PTPN9: variants seen among roughly 807,000 people sequenced by gnomAD.
PTPN9 encodes the protein protein tyrosine phosphatase non-receptor type 9, also known as tyrosine-protein phosphatase non-receptor type 9.
Under a neutral mutation model 69.8 loss-of-function variants are expected in PTPN9, and 26 were observed. The observed-to-expected ratio is 0.37, with a 90% confidence interval of 0.27 to 0.52. The LOEUF (loss-of-function observed/expected upper bound fraction) is 0.52. Among genes scored for constraint, PTPN9 ranks in the 20% least tolerant of loss-of-function variants. The probability of loss-of-function intolerance (pLI) is 0.91; values close to 1 mark genes in which losing one functional copy is unlikely to be tolerated. For missense variants in PTPN9, 549 were observed against 740.3 expected, an observed-to-expected ratio of 0.74 and a Z score of 3.00; for synonymous variants, 274 against 272.5, an observed-to-expected ratio of 1.01 and a Z score of -0.05.
intron 12 of PTPN9, 26 bp downstream of exon 12, chr15:75,469,766 A>C: frequency 6.2e-7 from 1 of 1,608,620 alleles, no homozygotes; most frequent in Non-Finnish European, 8.5e-7. Flanking sequence ...CCCTGCAGAC[A>C]CCAAGAGCTG....
At chr15:75,543,017 A>C (rs1361291879) in intron 1 of PTPN9, among the ~76,000 whole-genome samples, 3 of 105,278 alleles carry the variant, frequency 2.8e-5, no homozygotes, top group Non-Finnish European at 5.4e-5. Flanking sequence ...ACCCCACGAC[A>C]GTCCCCGGTG....
At chr15:75,504,928 C>G (rs899112085) in intron 7 of PTPN9, among the ~76,000 whole-genome samples, 3 of 152,126 alleles carry the variant, frequency 2.0e-5, no homozygotes, top group Non-Finnish European at 4.4e-5. Flanking sequence ...TGAGGAGCCC[C>G]TCTGCCCAGC....
chr15:75,480,572 G>A, intron 8 of PTPN9: 1 of 840,154 alleles, frequency 1.2e-6, no homozygotes, highest in Non-Finnish European at 1.5e-6. Flanking sequence ...GTGGCCGCGG[G>A]TGGTGGTTGG....
At chr15:75,500,987 TGTATGAGA>T (rs531843800) in intron 7 of PTPN9, among the ~76,000 whole-genome samples, 4 of 152,064 alleles carry the variant, frequency 2.6e-5, no homozygotes, top group Non-Finnish European at 4.4e-5. Flanking sequence ...GAAACAGAGC[TGTATGAGA>T]GAAAAGAATA....
At chr15:75,520,474 A>ATAGG (rs1446972988) in intron 4 of PTPN9, among the ~76,000 whole-genome samples, 1 of 141,540 alleles carries the variant, frequency 7.1e-6, no homozygotes, top group Non-Finnish European at 1.5e-5. Flanking sequence ...AGATAGATAG[A>ATAGG]TAGATAGATG....
intron 1 of PTPN9, among the ~76,000 whole-genome samples, chr15:75,558,092 G>A (rs577331871): frequency 2.0e-5 from 3 of 152,156 alleles, no homozygotes; most frequent in Non-Finnish European, 4.4e-5. Context: ...CACTTTGGCA[G>A]GCCAAGGCAG....
chr15:75,477,398 CA>C (rs1250616409), intron 9 of PTPN9, among the ~76,000 whole-genome samples: 1 of 152,046 alleles, frequency 6.6e-6, no homozygotes, highest in Admixed American at 6.6e-5. Flanking sequence ...AGTTCGAGAC[CA>C]GCCTAGGCAA....
At position 75,490,299 on chromosome 15, in the gene PTPN9, G is replaced by A; in HGVS notation, c.971C>T (p.Ser324Phe). The change falls in exon 8 of 13, where the codon TCT (serine) becomes TTT (phenylalanine). Residue 324 changes from serine to phenylalanine, a missense_variant and splice_region_variant. By Grantham distance (155) the Ser-to-Phe change is radical. Transcript: ENST00000618819. ...NPVGTFHCSM[S>F]PGNLEKNRYG... ...ACGGTTTTTCTCTAGGTTTCCTGGA[G>A]ACCTGAAGGAAACGAAACAAACAAG... 1 of 1,604,364 alleles carries A rather than the reference G, an allele frequency of 6.2e-7. No individual in the cohort carries two copies. Among genetic ancestry groups the A allele is most frequent in the Non-Finnish European group, 8.5e-7 (1 of 1,171,212 alleles).
intron 1 of PTPN9, among the ~76,000 whole-genome samples, chr15:75,554,886 A>G (rs531726554): frequency 1.3e-5 from 2 of 152,312 alleles, no homozygotes; most frequent in South Asian, 4.1e-4. Context: ...CACTGGAGTA[A>G]CATGAGCTTC....
At chr15:75,501,590 A>G (rs1475883584) in intron 7 of PTPN9, among the ~76,000 whole-genome samples, 1 of 151,802 alleles carries the variant, frequency 6.6e-6, no homozygotes. Flanking sequence ...TAGCTGGGAC[A>G]ACAGGAGTGT....
intron 1 of PTPN9, among the ~76,000 whole-genome samples, chr15:75,541,820 C>G (rs2075009947): frequency 6.6e-6 from 1 of 151,712 alleles, no homozygotes; most frequent in Non-Finnish European, 1.5e-5. Flanking sequence ...AGTTCTCCTG[C>G]CTCAGCCTCC....
intron 8 of PTPN9, among the ~76,000 whole-genome samples, chr15:75,484,313 C>G (rs567505381): frequency 6.6e-6 from 1 of 152,292 alleles, no homozygotes; most frequent in African/African-American, 2.4e-5. Context: ...GTAGGAACAC[C>G]TGGTCCATCC....
intron 1 of PTPN9, among the ~76,000 whole-genome samples, chr15:75,574,772 C>T (rs1354005861): frequency 1.3e-5 from 2 of 151,590 alleles, no homozygotes; most frequent in Non-Finnish European, 2.9e-5. Context: ...GAAACCCCAT[C>T]TCTACTAAAA....
chr15:75,483,181 C>A (rs550322522), intron 8 of PTPN9, among the ~76,000 whole-genome samples: 1 of 152,222 alleles, frequency 6.6e-6, no homozygotes, highest in South Asian at 2.1e-4. Flanking sequence ...CTGGTTGTTC[C>A]TGAAAAGATT....
rs759810846 is a variant in PTPN9, at chr15:75,575,918, CAAAAAAA to C, written c.63+2789_63+2795del. On this transcript the variant is annotated intron_variant, in intron 1 of 12. Transcript: ENST00000618819. ...TGGGCAACAGAGCAAGACTCCATCT[CAAAAAAA>C]AAAAAAAAAAAAAAAAGAGTACTCT... 1.1e-3 allele frequency among the ~76,000 whole-genome samples: 42 copies of C among 39,288 alleles called. 1 individual carries two copies. In the South Asian group the frequency reaches 0.013, roughly 12 times the overall value. The allele number at this position is 39,288 out of a possible 152,430, so 25.8% of individuals were successfully genotyped here. A position where few individuals can be genotyped will look rare whatever the true frequency, so the allele number is the denominator to read the frequency against.
At chr15:75,478,027 G>A (rs953989011) in intron 9 of PTPN9, among the ~76,000 whole-genome samples, 2 of 151,870 alleles carry the variant, frequency 1.3e-5, no homozygotes, top group African/African-American at 4.8e-5. Context: ...TTTTAGTAGA[G>A]ACGGTGTTTC....
At chr15:75,550,367 T>G (rs974395300) in intron 1 of PTPN9, among the ~76,000 whole-genome samples, 1 of 147,338 alleles carries the variant, frequency 6.8e-6, no homozygotes, top group Non-Finnish European at 1.5e-5. Context: ...GGTTTCACCA[T>G]GTTGGCCAGG....
intron 1 of PTPN9, among the ~76,000 whole-genome samples, chr15:75,577,134 G>A (rs896180084): frequency 3.3e-5 from 5 of 152,138 alleles, no homozygotes; most frequent in African/African-American, 1.2e-4. Flanking sequence ...GTATATATGT[G>A]TATGCACTAT....
At chr15:75,512,676 A>G (rs2074850361) in intron 5 of PTPN9, 1 of 168,580 alleles carries the variant, frequency 5.9e-6, no homozygotes, top group Non-Finnish European at 1.3e-5. Context: ...CTGACAGTAT[A>G]TGAGGGTGCT....
Sources: allele counts gnomAD v4.1 joint callset (sites outside exome capture counted in the v4.1 genomes callset), GRCh38; gene constraint gnomAD v4.1.1; transcripts MANE v1.5; gene names NCBI Gene and HGNC (gene_info 2026-07-23, HGNC 2026-07-21).